CNTNAP2: variants seen among roughly 807,000 people sequenced by gnomAD.
CNTNAP2 encodes the protein contactin associated protein 2.
Under a neutral mutation model 155.2 loss-of-function variants are expected in CNTNAP2, and 98 were observed. That is an observed-to-expected ratio of 0.63 (90% CI 0.54 to 0.75). CNTNAP2 has a LOEUF of 0.75. Ranked by LOEUF, CNTNAP2 falls within the 30% of genes least tolerant of loss-of-function variation. The probability of loss-of-function intolerance (pLI) is 0.00; values close to 1 mark genes in which losing one functional copy is unlikely to be tolerated. For missense variants in CNTNAP2, 1,727 were observed against 1,688.1 expected, an observed-to-expected ratio of 1.02 and a Z score of -0.40; for synonymous variants, 651 against 631.2, an observed-to-expected ratio of 1.03 and a Z score of -0.47.
chr7:147,688,724 T>C (rs985490077), intron 13 of CNTNAP2, among the ~76,000 whole-genome samples: 11 of 151,958 alleles, frequency 7.2e-5, no homozygotes, highest in Admixed American at 7.2e-4. Flanking sequence ...CACAAGCCTC[T>C]GTGGTTATAC....
chr7:147,962,652 T>C (rs1801134484), intron 14 of CNTNAP2, among the ~76,000 whole-genome samples: 1 of 152,248 alleles, frequency 6.6e-6, no homozygotes, highest in African/African-American at 2.4e-5. Flanking sequence ...GATATTTTTG[T>C]GTGTAAACAC....
intron 8 of CNTNAP2, among the ~76,000 whole-genome samples, chr7:147,176,904 A>T (rs1330241977): frequency 7.8e-6 from 1 of 129,020 alleles, no homozygotes; most frequent in Admixed American, 8.4e-5. Context: ...TATAATAATT[A>T]TAATATATAA....
At chr7:147,774,120 C>A (rs1369439153) in intron 13 of CNTNAP2, among the ~76,000 whole-genome samples, 1 of 152,130 alleles carries the variant, frequency 6.6e-6, no homozygotes, top group Admixed American at 6.6e-5. Flanking sequence ...GTTAATAATG[C>A]CCTTTTCTGC....
chr7:148,016,390 C>A (rs771727956), intron 15 of CNTNAP2, among the ~76,000 whole-genome samples: 1 of 152,190 alleles, frequency 6.6e-6, no homozygotes, highest in Non-Finnish European at 1.5e-5. Context: ...CTACTGTGGC[C>A]GCTGTCACTC....
intron 10 of CNTNAP2, among the ~76,000 whole-genome samples, chr7:147,462,814 T>C (rs1270634362): frequency 1.3e-5 from 2 of 152,318 alleles, no homozygotes; most frequent in East Asian, 3.9e-4. Context: ...AGTCTTGCTC[T>C]GTCACCCAGG....
intron 3 of CNTNAP2, among the ~76,000 whole-genome samples, chr7:146,955,480 C>G (rs1797414110): frequency 6.6e-6 from 1 of 151,914 alleles, no homozygotes; most frequent in Non-Finnish European, 1.5e-5. Flanking sequence ...AACCAGAAAA[C>G]CACTTTTGTA....
chr7:147,734,627 C>T lies in CNTNAP2; in HGVS notation c.2098+95321C>T, dbSNP rs1796806166. Among the ~76,000 whole-genome samples, 2 of 152,180 alleles carry T rather than the reference C, an allele frequency of 1.3e-5. 1 individual carries two copies. Among genetic ancestry groups the T allele is most frequent in the South Asian group, 4.1e-4 (2 of 4,822 alleles). ...TCCTTGTACCTCTGGTAGAATTTGG[C>T]TGTGAATCTGTCTGGTCCTGCACAT... On this transcript the variant is annotated intron_variant, in intron 13 of 23. Coordinates refer to ENST00000361727, the MANE Select transcript of CNTNAP2 (RefSeq NM_014141.6).
chr7:147,407,503 A>C (rs1387923094), intron 10 of CNTNAP2, among the ~76,000 whole-genome samples: 2 of 142,312 alleles, frequency 1.4e-5, no homozygotes, highest in African/African-American at 5.1e-5. Context: ...AAAAAAAAAA[A>C]AGAAATACCA....
At chr7:146,959,126 T>A (rs1020541658) in intron 3 of CNTNAP2, among the ~76,000 whole-genome samples, 4 of 151,964 alleles carry the variant, frequency 2.6e-5, no homozygotes, top group Non-Finnish European at 4.4e-5. Flanking sequence ...TTCAAGCGAT[T>A]CTCCTGCCTC....
intron 20 of CNTNAP2, among the ~76,000 whole-genome samples, chr7:148,235,984 T>C (rs927964874): frequency 6.7e-5 from 8 of 119,840 alleles, no homozygotes; most frequent in African/African-American, 2.1e-4. Context: ...CGCGCCTGGC[T>C]ACAGCTGTGC....
intron 11 of CNTNAP2, among the ~76,000 whole-genome samples, chr7:147,517,379 T>C (rs925048671): frequency 3.3e-5 from 5 of 152,160 alleles, no homozygotes; most frequent in African/African-American, 1.2e-4. Context: ...AACTTCCTTG[T>C]TGAATTTTTC....
chr7:146,974,067 T>C (rs569897813), intron 3 of CNTNAP2, among the ~76,000 whole-genome samples: 1 of 152,158 alleles, frequency 6.6e-6, no homozygotes, highest in South Asian at 2.1e-4. Context: ...GATGCTGGGG[T>C]GTGTGGACTG....
chr7:146,179,815 A>G lies in CNTNAP2; in HGVS notation c.97+62842A>G, dbSNP rs143921356. 5.3e-3 allele frequency among the ~76,000 whole-genome samples: 811 copies of G among 152,316 alleles called. 6 individuals are homozygous for G. Among genetic ancestry groups the G allele is most frequent in the African/African-American group, 0.018 (754 of 41,584 alleles). ...GACTAAAATGAAAAGAAAAAGTTTC[A>G]GGAAGATAATCTCTATTATTTTGGT... is the stretch of plus-strand genomic sequence containing the variant. On this transcript the variant is annotated intron_variant, in intron 1 of 23. Transcript: ENST00000361727.
intron 11 of CNTNAP2, among the ~76,000 whole-genome samples, chr7:147,512,463 G>A (rs1799039080): frequency 6.6e-6 from 1 of 152,132 alleles, no homozygotes; most frequent in Non-Finnish European, 1.5e-5. Context: ...TTAGGTCACA[G>A]ATACTCAGAC....
At chr7:146,273,612 A>G (rs1332649228) in intron 1 of CNTNAP2, among the ~76,000 whole-genome samples, 3 of 152,158 alleles carry the variant, frequency 2.0e-5, no homozygotes, top group Non-Finnish European at 2.9e-5. Flanking sequence ...AGAACTTGAC[A>G]CTGGTAAGCT....
intron 10 of CNTNAP2, among the ~76,000 whole-genome samples, chr7:147,480,106 GCT>G (rs1485449276): frequency 1.3e-5 from 2 of 152,156 alleles, no homozygotes; most frequent in Non-Finnish European, 2.9e-5. Flanking sequence ...TATGGAAACA[GCT>G]CTGAGAGTCA....
intron 8 of CNTNAP2, among the ~76,000 whole-genome samples, chr7:147,157,121 G>A (rs7791332): frequency 0.42 from 63,295 of 151,804 alleles, 13,594 homozygotes; most frequent in South Asian, 0.56. Context: ...GTGACCTTCA[G>A]TTGTTGCCTC....
At position 148,284,194 on chromosome 7, in the gene CNTNAP2, C is replaced by G. The variant is rs181636636; in HGVS notation, c.3475+17068C>G. Among the ~76,000 whole-genome samples the G allele has an allele frequency of 4.0e-3, 603 of 152,320 alleles. 14 individuals are homozygous for G. The highest frequency in any genetic ancestry group is 0.036 in the Admixed American group (555 of 15,292). On this transcript the variant is annotated intron_variant, in intron 21 of 23. Coordinates refer to ENST00000361727, the MANE Select transcript of CNTNAP2 (RefSeq NM_014141.6). ...AGTTTGGCTGTGTCCCCACCCAAAT[C>G]TCATCTTGAATTGTAGCTCCCATAA...
intron 1 of CNTNAP2, among the ~76,000 whole-genome samples, chr7:146,467,913 A>G (rs1251595343): frequency 6.6e-6 from 1 of 152,208 alleles, no homozygotes; most frequent in Non-Finnish European, 1.5e-5. Context: ...TTGATTAAAA[A>G]TACATGCATA....
Sources: gnomAD v4.1 joint callset for allele counts (sites outside exome capture counted in the v4.1 genomes callset) on GRCh38, gnomAD v4.1.1 for gene constraint, MANE v1.5 for transcripts, NCBI Gene and HGNC (gene_info 2026-07-23, HGNC 2026-07-21) for gene names.